STIM2: variants seen among roughly 807,000 people sequenced by gnomAD.
STIM2 encodes the protein stromal interaction molecule 2.
STIM2 carries 31 observed loss-of-function variants against 85.8 expected under a neutral mutation model. The observed-to-expected ratio is 0.36, with a 90% CI of 0.27 to 0.49. STIM2 has a LOEUF of 0.49. STIM2 is among the 20% of genes least tolerant of loss of function. STIM2 has a pLI of 0.98. For synonymous variants in STIM2, 356 were observed against 331.1 expected (o/e 1.08, Z -0.82); for missense variants, 841 against 927.6 (o/e 0.91, Z 1.21).
chr4:26,915,020 C>T (rs748330396), intron 1 of STIM2, among the ~76,000 whole-genome samples: 5 of 152,128 alleles, frequency 3.3e-5, no homozygotes, highest in Non-Finnish European at 7.4e-5. Flanking sequence ...GTTATACTGA[C>T]ACTTGAGCAT....
intron 1 of STIM2, among the ~76,000 whole-genome samples, chr4:26,879,413 A>G (rs943518729): frequency 6.6e-6 from 1 of 151,920 alleles, no homozygotes. Context: ...GACCTGGGAT[A>G]TTATACCATT....
chr4:26,982,082 C>T (rs899617568), intron 3 of STIM2, among the ~76,000 whole-genome samples: 9 of 152,028 alleles, frequency 5.9e-5, no homozygotes, highest in Non-Finnish European at 8.8e-5. Context: ...TTATTGCTCA[C>T]ATGGTTGCTA....
chr4:26,998,556 A>G (rs1012813869), intron 4 of STIM2, among the ~76,000 whole-genome samples: 1 of 152,158 alleles, frequency 6.6e-6, no homozygotes, highest in African/African-American at 2.4e-5. Context: ...TAAGTTACTT[A>G]TGGTTTTATT....
chr4:27,015,214 C>T (rs1302621965), intron 10 of STIM2, among the ~76,000 whole-genome samples: 2 of 151,990 alleles, frequency 1.3e-5, no homozygotes, highest in African/African-American at 2.4e-5. Context: ...CTGTTTTTCA[C>T]ACCTTTTATC....
intron 1 of STIM2, among the ~76,000 whole-genome samples, chr4:26,913,141 A>G (rs1724403619): frequency 6.6e-6 from 1 of 152,132 alleles, no homozygotes; most frequent in South Asian, 2.1e-4. Context: ...TCTACTCCCA[A>G]TTACCAAAAT....
chr4:26,921,419 T>A (rs1724792452), intron 2 of STIM2, among the ~76,000 whole-genome samples: 1 of 152,248 alleles, frequency 6.6e-6, no homozygotes, highest in African/African-American at 2.4e-5. Context: ...TACAGGCCAG[T>A]TGGCAAATTA....
At chr4:26,920,402 A>G (rs188999642) in intron 2 of STIM2, among the ~76,000 whole-genome samples, 3 of 152,106 alleles carry the variant, frequency 2.0e-5, no homozygotes, top group East Asian at 1.9e-4. Flanking sequence ...AAGCATTCCC[A>G]TTTACCCTAC....
intron 5 of STIM2, among the ~76,000 whole-genome samples, chr4:27,001,890 C>T (rs1728168875): frequency 1.3e-5 from 2 of 152,186 alleles, no homozygotes; most frequent in Non-Finnish European, 2.9e-5. Context: ...CTTCACCCCA[C>T]AGAGGACCAT....
At chr4:26,912,556 G>A (rs935229077) in intron 1 of STIM2, among the ~76,000 whole-genome samples, 1 of 152,134 alleles carries the variant, frequency 6.6e-6, no homozygotes. Context: ...GATGCATTTT[G>A]TAATTCTGTG....
chr4:26,874,076 A>G (rs1025014670), intron 1 of STIM2: 10 of 626,580 alleles, frequency 1.6e-5, no homozygotes, highest in East Asian at 3.2e-5. Context: ...CACCTGAGGT[A>G]CTCTTAGCTG....
chr4:27,017,647 T>C (rs544070580), intron 10 of STIM2, 64 bp from the exon 11 acceptor site: 1 of 1,584,902 alleles, frequency 6.3e-7, no homozygotes, highest in African/African-American at 1.3e-5. Context: ...TGTGTATGTA[T>C]TTGTGGTGAC....
chr4:26,896,005 C>G (rs1048517525), intron 1 of STIM2, among the ~76,000 whole-genome samples: 1 of 152,166 alleles, frequency 6.6e-6, no homozygotes, highest in East Asian at 1.9e-4. Context: ...AGGCTGAAAT[C>G]GAGGTGTTGG....
chr4:26,927,969 AATT>A (rs1725040383), intron 2 of STIM2, among the ~76,000 whole-genome samples: 1 of 151,176 alleles, frequency 6.6e-6, no homozygotes, highest in Non-Finnish European at 1.5e-5. Flanking sequence ...AATGAACAGA[AATT>A]TATTGACTCA....
At position 26,896,010 on chromosome 4, in the gene STIM2, TGTTG is replaced by T. The variant is rs926895987; in HGVS notation, c.152-23488_152-23485del. ...GATTCTCACAAGGCTGAAATCGAGGTGTTGGTTGGGCCATGTCCTCATCTGGAGC... is the reference window on the plus strand; with the variant it reads ...GATTCTCACAAGGCTGAAATCGAGGTGTTGGGCCATGTCCTCATCTGGAGC... On this transcript the variant is annotated intron_variant, in intron 1 of 11. Transcript: ENST00000467087. Among the ~76,000 whole-genome samples the T allele has an allele frequency of 7.2e-5, 11 of 152,164 alleles. 1 individual carries two copies. In the South Asian group the frequency reaches 1.9e-3, roughly 26 times the overall value.
At chr4:26,985,872 G>T (rs922770954) in intron 3 of STIM2, among the ~76,000 whole-genome samples, 1 of 152,082 alleles carries the variant, frequency 6.6e-6, no homozygotes, top group Non-Finnish European at 1.5e-5. Flanking sequence ...ATAAATTTAG[G>T]ACATAGCAGT....
At chr4:26,968,721 TG>T (rs1726823246) in intron 3 of STIM2, among the ~76,000 whole-genome samples, 1 of 152,142 alleles carries the variant, frequency 6.6e-6, no homozygotes, top group South Asian at 2.1e-4. Context: ...TTTAAGAGAA[TG>T]AGTATGTACA....
At position 27,002,956 on chromosome 4, in the gene STIM2, A is replaced by C. The variant is rs1409026680; in HGVS notation, c.833A>C (p.Asn278Thr). The change falls in exon 7 of 12, where the codon AAT becomes ACT. Residue 278 changes from asparagine to threonine, a missense_variant. Asn to Thr is a moderately conservative substitution (Grantham distance 65). Transcript: ENST00000467087. ...GAAAAGGCACAGGAAGAAAACAGAA[A>C]TGTTGCTGTAGAAAAGCAAAATTTA... 1 of 1,590,190 alleles carries C rather than the reference A, an allele frequency of 6.3e-7. No homozygotes were observed. Among genetic ancestry groups the C allele is most frequent in the Non-Finnish European group, 8.5e-7 (1 of 1,171,806 alleles).
At position 26,983,075 on chromosome 4, in the gene STIM2, G is replaced by A. The variant is rs926832461; in HGVS notation, c.398-12304G>A. Among the ~76,000 whole-genome samples the A allele has an allele frequency of 3.7e-4, 56 of 152,294 alleles. 1 individual carries two copies. Among genetic ancestry groups the A allele is most frequent in the Admixed American group, 3.5e-3 (54 of 15,292 alleles). ...TAGAGATACTAGCTGCTGTTAACCT[G>A]TCTCATCCCCATGTGGGACCAGATT... On this transcript the variant is annotated intron_variant, in intron 3 of 11. Transcript: ENST00000467087.
intron 3 of STIM2, among the ~76,000 whole-genome samples, chr4:26,991,413 C>T (rs1727760752): frequency 6.6e-6 from 1 of 152,030 alleles, no homozygotes; most frequent in South Asian, 2.1e-4. Context: ...ATGGTGGTTA[C>T]CAGAGGCTGG....
Sources: gnomAD v4.1 joint callset for allele counts (sites outside exome capture counted in the v4.1 genomes callset) on GRCh38, gnomAD v4.1.1 for gene constraint, MANE v1.5 for transcripts, NCBI Gene and HGNC (gene_info 2026-07-23, HGNC 2026-07-21) for gene names.